Variants in CADM1 observed in about 807,000 individuals in gnomAD.
CADM1 encodes TSLC-1.
Under a neutral mutation model 53.1 loss-of-function variants are expected in CADM1, and 15 were observed. The ratio of observed to expected loss-of-function variants is 0.28; its 90% CI spans 0.19 to 0.44. CADM1 has a LOEUF of 0.44. Among genes scored for constraint, CADM1 ranks in the 20% least tolerant of loss-of-function variants. The pLI is 1.00. For missense variants in CADM1, 434 were observed against 611.3 expected, an observed-to-expected ratio of 0.71 and a Z score of 3.06; for synonymous variants, 281 against 243.0, an observed-to-expected ratio of 1.16 and a Z score of -1.45.
In CADM1 at chr11:115,171,379, C is replaced by T. The variant is rs1258508844; in HGVS notation, c.*5095G>A. 1 of 152,086 alleles carries T rather than the reference C, an allele frequency of 6.6e-6. No homozygotes were observed. Among genetic ancestry groups the T allele is most frequent in the Non-Finnish European group, 1.5e-5 (1 of 68,020 alleles). 9.4% of individuals were successfully genotyped at this position (152,086 alleles called of 1,614,324 possible). On this transcript the variant is annotated 3_prime_UTR_variant, in exon 12 of 12. Transcript: ENST00000331581. Reference sequence around the variant, plus strand: ...GGAGCATTTCTCCATGGAGCAAGTCCACAGCGGTAAAAGAATTACATTTCA... The same window carrying T: ...GGAGCATTTCTCCATGGAGCAAGTCTACAGCGGTAAAAGAATTACATTTCA...
chr11:115,298,373 GAGA>G (rs1239645759), intron 1 of CADM1, among the ~76,000 whole-genome samples: 11 of 152,302 alleles, frequency 7.2e-5, no homozygotes, highest in African/African-American at 2.2e-4. Context: ...ATAGAATGAG[GAGA>G]AGAAGAAAGG....
chr11:115,184,776 G>A (rs1939466811), intron 10 of CADM1, among the ~76,000 whole-genome samples: 3 of 152,296 alleles, frequency 2.0e-5, no homozygotes, highest in South Asian at 4.1e-4. Context: ...CATCCTCATG[G>A]TGCCACCCAG....
chr11:115,314,263 C>G (rs1018646365), intron 1 of CADM1, among the ~76,000 whole-genome samples: 5 of 152,070 alleles, frequency 3.3e-5, no homozygotes, highest in Non-Finnish European at 7.4e-5. Context: ...TGGGGGGACA[C>G]TGGGGGAGAG....
At position 115,502,740 on chromosome 11, in the gene CADM1, C is replaced by T. The variant is rs1042219505; in HGVS notation, c.124+1531G>A. 2.0e-5 allele frequency among the ~76,000 whole-genome samples: 3 copies of T among 152,294 alleles called. No homozygotes were observed. In the East Asian group the frequency reaches 5.8e-4, roughly 29 times the overall value. On this transcript the variant is annotated intron_variant, in intron 1 of 11. Transcript: ENST00000331581. ...TTTTGGGGGCAAGCAGCCAACCCGGCGTCCCCCAAATCTCAAGCTAGCACC... is the reference window on the plus strand; with the variant it reads ...TTTTGGGGGCAAGCAGCCAACCCGGTGTCCCCCAAATCTCAAGCTAGCACC...
intron 10 of CADM1, among the ~76,000 whole-genome samples, chr11:115,185,649 C>T (rs901592129): frequency 6.6e-6 from 1 of 152,178 alleles, no homozygotes; most frequent in African/African-American, 2.4e-5. Flanking sequence ...TTTAACACCG[C>T]CAGAGACACC....
At chr11:115,368,329 G>A (rs911572684) in intron 1 of CADM1, among the ~76,000 whole-genome samples, 2 of 151,952 alleles carry the variant, frequency 1.3e-5, no homozygotes, top group East Asian at 3.9e-4. Flanking sequence ...CTTAAAAAGG[G>A]TTGTTTACAA....
intron 1 of CADM1, among the ~76,000 whole-genome samples, chr11:115,434,253 A>T (rs189018639): frequency 5.3e-4 from 81 of 152,318 alleles, no homozygotes; most frequent in Admixed American, 9.8e-4. Flanking sequence ...ATTAAGACAC[A>T]GGTTGATTAC....
intron 1 of CADM1, among the ~76,000 whole-genome samples, chr11:115,485,980 C>T (rs529304076): frequency 1.3e-5 from 2 of 152,318 alleles, no homozygotes; most frequent in Admixed American, 6.5e-5. Context: ...ATAACATTTA[C>T]ATTTTTGTTC....
In CADM1 at chr11:115,190,137, G is replaced by A. The variant is rs146192633; in HGVS notation, c.1165+751C>T. 2.0e-5 allele frequency among the ~76,000 whole-genome samples: 3 copies of A among 152,318 alleles called. No individual in the cohort carries two copies. In the East Asian group the frequency reaches 5.8e-4, roughly 29 times the overall value. On this transcript the variant is annotated intron_variant, in intron 10 of 11. Coordinates refer to ENST00000331581, the MANE Select transcript of CADM1 (RefSeq NM_001301043.2). Reference sequence around the variant, plus strand: ...AGGGCCTTGCTTACTGACTTATTAAGTGATGGATGGAAAGGTTTAAGCCAT... The same window carrying A: ...AGGGCCTTGCTTACTGACTTATTAAATGATGGATGGAAAGGTTTAAGCCAT...
intron 1 of CADM1, among the ~76,000 whole-genome samples, chr11:115,466,354 C>A (rs1316350659): frequency 6.6e-6 from 1 of 152,134 alleles, no homozygotes; most frequent in Non-Finnish European, 1.5e-5. Flanking sequence ...ATTAGTAAAC[C>A]GGAAAATATT....
At chr11:115,333,084 A>G (rs1031232083) in intron 1 of CADM1, among the ~76,000 whole-genome samples, 10 of 152,090 alleles carry the variant, frequency 6.6e-5, no homozygotes, top group African/African-American at 2.4e-4. Flanking sequence ...CTTCAAAATC[A>G]AAGCTGTTTA....
chr11:115,431,500 C>G (rs758249848), intron 1 of CADM1, among the ~76,000 whole-genome samples: 3 of 152,120 alleles, frequency 2.0e-5, no homozygotes, highest in Non-Finnish European at 4.4e-5. Context: ...CAGAAAACAT[C>G]TAGGGTCATG....
chr11:115,306,973 C>G (rs1944391868), intron 1 of CADM1, among the ~76,000 whole-genome samples: 1 of 151,850 alleles, frequency 6.6e-6, no homozygotes, highest in Non-Finnish European at 1.5e-5. Context: ...TTAAGTTGTC[C>G]ATCAATATTC....
At chr11:115,291,856 A>T (rs932526536) in intron 1 of CADM1, among the ~76,000 whole-genome samples, 7 of 152,258 alleles carry the variant, frequency 4.6e-5, no homozygotes, top group African/African-American at 1.7e-4. Context: ...TTAAAAATGA[A>T]TATTTAATTG....
intron 1 of CADM1, among the ~76,000 whole-genome samples, chr11:115,429,405 G>A (rs536497478): frequency 1.9e-4 from 29 of 151,956 alleles, no homozygotes; most frequent in Non-Finnish European, 3.4e-4. Context: ...AGCTCGAGAC[G>A]AGTCTGAACA....
intron 1 of CADM1, among the ~76,000 whole-genome samples, chr11:115,416,776 A>G (rs979927189): frequency 6.6e-6 from 1 of 151,992 alleles, no homozygotes; most frequent in African/African-American, 2.4e-5. Flanking sequence ...CAGGCATGCA[A>G]CAAGACATGA....
chr11:115,449,409 C>T (rs927775771), intron 1 of CADM1, among the ~76,000 whole-genome samples: 1 of 152,192 alleles, frequency 6.6e-6, no homozygotes, highest in African/African-American at 2.4e-5. Flanking sequence ...CCAGACAACC[C>T]TTTCCCTGCC....
At chr11:115,250,585 CTTA>C (rs1942570992) in intron 1 of CADM1, among the ~76,000 whole-genome samples, 1 of 152,166 alleles carries the variant, frequency 6.6e-6, no homozygotes, top group Admixed American at 6.5e-5. Flanking sequence ...TTCCAAAGCA[CTTA>C]TTATTAATTT....
In CADM1 at chr11:115,175,215, C is replaced by T; in HGVS notation, c.*1259G>A. 1 of 985,806 alleles carries T rather than the reference C, an allele frequency of 1.0e-6. No individual in the cohort carries two copies. The highest frequency in any genetic ancestry group is 1.2e-6 in the Non-Finnish European group (1 of 829,924). The allele number at this position is 985,806 out of a possible 1,614,324, so 61.1% of individuals were successfully genotyped here. On this transcript the variant is annotated 3_prime_UTR_variant, in exon 12 of 12. Coordinates refer to ENST00000331581, the MANE Select transcript of CADM1 (RefSeq NM_001301043.2). ...GAGCGACAGCAGACCAGTGTGAGAA[C>T]AATACCAGCCCTTCTTTTGTACCTC... is the stretch of plus-strand genomic sequence containing the variant.
Sources: gnomAD v4.1 joint callset for allele counts (sites outside exome capture counted in the v4.1 genomes callset) on GRCh38, gnomAD v4.1.1 for gene constraint, MANE v1.5 for transcripts, NCBI Gene and HGNC (gene_info 2026-07-23, HGNC 2026-07-21) for gene names.